The following NSD1 variants were observed in gnomAD, a reference collection of about 807,000 sequenced individuals.
The protein encoded by NSD1 is histone-lysine N-methyltransferase, H3 lysine-36 specific.
Under a neutral mutation model 242.7 loss-of-function variants are expected in NSD1, and 26 were observed. The ratio of observed to expected loss-of-function variants is 0.11; its 90% CI spans 0.08 to 0.15. The LOEUF (loss-of-function observed/expected upper bound fraction) is 0.15. NSD1 is among the 10% of genes least tolerant of loss of function. The probability of loss-of-function intolerance (pLI) is 1.00; values close to 1 mark genes in which losing one functional copy is unlikely to be tolerated. For synonymous variants in NSD1, 1,106 were observed against 1,178.1 expected, an observed-to-expected ratio of 0.94 and a Z score of 1.25; for missense variants, 2,495 against 3,272.8, an observed-to-expected ratio of 0.76 and a Z score of 5.80.
chr5:177,146,490 C>T (rs1757257610), intron 2 of NSD1, among the ~76,000 whole-genome samples: 2 of 152,024 alleles, frequency 1.3e-5, no homozygotes, highest in African/African-American at 4.8e-5. Flanking sequence ...AGGCTTGAGC[C>T]ACCGCGTCCA....
intron 2 of NSD1, among the ~76,000 whole-genome samples, chr5:177,149,007 T>G (rs1479033725): frequency 1.4e-5 from 2 of 147,208 alleles, no homozygotes; most frequent in Non-Finnish European, 3.0e-5. Flanking sequence ...TTAGTAGAGA[T>G]AGGGTTTCAC....
chr5:177,170,220 C>T (rs1471952583), intron 2 of NSD1, among the ~76,000 whole-genome samples: 2 of 152,044 alleles, frequency 1.3e-5, no homozygotes, highest in East Asian at 3.9e-4. Context: ...GATCTGCCCG[C>T]CTCCGCCTCC....
chr5:177,292,491 T>C (rs1287549782), intron 22 of NSD1, among the ~76,000 whole-genome samples: 1 of 152,136 alleles, frequency 6.6e-6, no homozygotes, highest in Admixed American at 6.5e-5. Context: ...CTTTCACACA[T>C]AGATAGAGGA....
intron 13 of NSD1, among the ~76,000 whole-genome samples, chr5:177,258,478 A>G (rs146662152): frequency 4.0e-5 from 6 of 151,718 alleles, no homozygotes; most frequent in African/African-American, 7.3e-5. Context: ...GGTAAACTTA[A>G]GTTTTGAAAT....
intron 3 of NSD1, among the ~76,000 whole-genome samples, chr5:177,193,463 G>A (rs540292745): frequency 6.6e-6 from 1 of 152,094 alleles, no homozygotes; most frequent in South Asian, 2.1e-4. Context: ...TTTTAGTAGA[G>A]ATGGGGTTTC....
chr5:177,278,717 C>A (rs1026211137), intron 17 of NSD1, among the ~76,000 whole-genome samples: 3 of 152,130 alleles, frequency 2.0e-5, no homozygotes, highest in Non-Finnish European at 2.9e-5. Context: ...CTTATTCTTA[C>A]AATAGTCTTG....
At chr5:177,259,925 C>G in intron 13 of NSD1, 64 bp from the exon 14 acceptor site, 1 of 1,560,498 alleles carries the variant, frequency 6.4e-7, no homozygotes, top group Middle Eastern at 1.9e-4. Flanking sequence ...TTGAATAACT[C>G]ACATTCTTTT....
chr5:177,170,496 G>A (rs1013160377), intron 2 of NSD1, among the ~76,000 whole-genome samples: 2 of 151,870 alleles, frequency 1.3e-5, no homozygotes, highest in African/African-American at 4.8e-5. Context: ...GACTACAGGC[G>A]CATGCCACCA....
At chr5:177,289,164 AG>A (rs1175591654) in intron 21 of NSD1, among the ~76,000 whole-genome samples, 2 of 152,064 alleles carry the variant, frequency 1.3e-5, no homozygotes, top group Admixed American at 1.3e-4. Flanking sequence ...TAATAAGAAT[AG>A]AAAAATTAGC....
intron 2 of NSD1, among the ~76,000 whole-genome samples, chr5:177,167,064 C>G (rs968158850): frequency 6.6e-6 from 1 of 151,668 alleles, no homozygotes; most frequent in Non-Finnish European, 1.5e-5. Flanking sequence ...CCTTGAGTTA[C>G]TTTTTATATA....
chr5:177,164,308 C>T (rs908643867), intron 2 of NSD1, among the ~76,000 whole-genome samples: 6 of 151,966 alleles, frequency 3.9e-5, no homozygotes, highest in Non-Finnish European at 8.8e-5. Context: ...AGGCGCCTGC[C>T]ACCATGCCTG....
intron 2 of NSD1, among the ~76,000 whole-genome samples, chr5:177,139,233 A>G (rs1298672094): frequency 4.8e-5 from 7 of 146,202 alleles, no homozygotes; most frequent in Non-Finnish European, 1.1e-4. Context: ...CCTGGGCAAC[A>G]AGAGCGAAAC....
chr5:177,173,208 C>A (rs1759866174), intron 2 of NSD1, among the ~76,000 whole-genome samples: 2 of 145,116 alleles, frequency 1.4e-5, no homozygotes, highest in African/African-American at 5.1e-5. Flanking sequence ...AGGAGAATGG[C>A]GTGAACCCGG....
intron 2 of NSD1, among the ~76,000 whole-genome samples, chr5:177,160,092 T>G (rs1289578537): frequency 6.6e-6 from 1 of 151,244 alleles, no homozygotes; most frequent in Non-Finnish European, 1.5e-5. Context: ...AGTTTCACCA[T>G]GTTGGCCAGG....
At chr5:177,225,728 A>G (rs962978042) in intron 5 of NSD1, among the ~76,000 whole-genome samples, 1 of 152,176 alleles carries the variant, frequency 6.6e-6, no homozygotes, top group Non-Finnish European at 1.5e-5. Context: ...AATAGTTCAC[A>G]ATTTTCGTTC....
intron 2 of NSD1, among the ~76,000 whole-genome samples, chr5:177,187,937 T>C (rs1259779210): frequency 6.6e-6 from 1 of 152,120 alleles, no homozygotes; most frequent in Non-Finnish European, 1.5e-5. Flanking sequence ...CAATACCATA[T>C]ATAAAAAAGG....
intron 15 of NSD1, among the ~76,000 whole-genome samples, chr5:177,268,377 A>G (rs940288040): frequency 6.6e-6 from 1 of 151,266 alleles, no homozygotes; most frequent in African/African-American, 2.4e-5. Context: ...ACCTAATGCT[A>G]AATGACGAGT....
chr5:177,173,465 G>GTTTTT (rs1759896583), intron 2 of NSD1, among the ~76,000 whole-genome samples: 1 of 130,568 alleles, frequency 7.7e-6, no homozygotes, highest in African/African-American at 3.1e-5. Context: ...TTACTATCTG[G>GTTTTT]CTTTTTTTTT....
chr5:177,159,912 T>C (rs1758601109), intron 2 of NSD1, among the ~76,000 whole-genome samples: 1 of 150,828 alleles, frequency 6.6e-6, no homozygotes, highest in African/African-American at 2.4e-5. Flanking sequence ...TTTTTTTAAA[T>C]GGAGTCTCGC....
Sources: gnomAD v4.1 joint callset for allele counts (sites outside exome capture counted in the v4.1 genomes callset) on GRCh38, gnomAD v4.1.1 for gene constraint, MANE v1.5 for transcripts, NCBI Gene and HGNC (gene_info 2026-07-23, HGNC 2026-07-21) for gene names.